RIN2: variants seen among roughly 807,000 people sequenced by gnomAD.
RIN2 encodes RAB5 interacting protein 2.
A neutral mutation model predicts 78.0 loss-of-function variants in RIN2; 36 were observed. The observed-to-expected ratio is 0.46, with a 90% confidence interval of 0.35 to 0.61. The LOEUF (loss-of-function observed/expected upper bound fraction) is 0.61, where lower values mean the gene tolerates loss of function less well. RIN2 is among the 20% of genes least tolerant of loss of function. The pLI is 0.00. For synonymous variants in RIN2, 466 were observed against 466.8 expected (o/e 1.00, Z 0.02); for missense variants, 1,087 against 1,159.7 (o/e 0.94, Z 0.91).
chr20:19,934,381 A>T (rs1231626006), intron 3 of RIN2: 1 of 640,834 alleles, frequency 1.6e-6, no homozygotes, highest in East Asian at 1.4e-4. Context: ...TGAATGAGTG[A>T]ATAGGAGGGT....
At chr20:19,831,251 C>T (rs756382932) in intron 2 of RIN2, among the ~76,000 whole-genome samples, 7 of 152,134 alleles carry the variant, frequency 4.6e-5, no homozygotes, top group South Asian at 2.1e-4. Context: ...CGTCTAAAAA[C>T]GTAACATAAA....
intron 2 of RIN2, among the ~76,000 whole-genome samples, chr20:19,841,063 C>T (rs192462904): frequency 3.3e-5 from 5 of 152,124 alleles, no homozygotes; most frequent in Non-Finnish European, 7.4e-5. Flanking sequence ...CGTTAACTAC[C>T]CGGCAAGGAC....
chr20:19,811,683 A>G (rs186577227), intron 2 of RIN2, among the ~76,000 whole-genome samples: 1 of 152,300 alleles, frequency 6.6e-6, no homozygotes, highest in Admixed American at 6.5e-5. Context: ...CTTTTCGTTC[A>G]TGGCTATTTG....
intron 1 of RIN2, among the ~76,000 whole-genome samples, chr20:19,776,601 G>A (rs905317365): frequency 1.3e-5 from 2 of 151,874 alleles, no homozygotes; most frequent in African/African-American, 2.4e-5. Context: ...GCATGGTGGC[G>A]GCTGCCTGTA....
chr20:19,839,799 G>A (rs1305401880), intron 2 of RIN2, among the ~76,000 whole-genome samples: 2 of 151,984 alleles, frequency 1.3e-5, no homozygotes, highest in East Asian at 1.9e-4. Flanking sequence ...AAAACACTTG[G>A]CTTCAAATCC....
At chr20:19,770,971 G>T in intron 1 of RIN2, among the ~76,000 whole-genome samples, 1 of 151,100 alleles carries the variant, frequency 6.6e-6, no homozygotes, top group South Asian at 2.1e-4. Flanking sequence ...CCCCTTCTTC[G>T]AGTTCAACTA....
chr20:19,775,446 CT>C (rs2034277728), intron 1 of RIN2, among the ~76,000 whole-genome samples: 1 of 152,196 alleles, frequency 6.6e-6, no homozygotes, highest in South Asian at 2.1e-4. Flanking sequence ...GGATTTCTGA[CT>C]GGTGGAGGTA....
chr20:19,936,904 T>A (rs2040667759), intron 4 of RIN2, among the ~76,000 whole-genome samples: 2 of 152,184 alleles, frequency 1.3e-5, no homozygotes, highest in Admixed American at 6.5e-5. Context: ...AAAAGCAAGA[T>A]GAGTTGTCTT....
At position 19,877,624 on chromosome 20, in the gene RIN2, C is replaced by T. The variant is rs60042445; in HGVS notation, c.-36-11942C>T. Among the ~76,000 whole-genome samples the T allele has an allele frequency of 4.9e-3, 752 of 152,284 alleles. 10 individuals are homozygous for T. The highest frequency in any genetic ancestry group is 0.029 in the East Asian group (152 of 5,178). ...AATAGGGCTGTTGAACCTAAGCCCA[C>T]CTGCTTTCTGCAAGTGCCACAAGGA... On this transcript the variant is annotated intron_variant, in intron 2 of 12. Transcript: ENST00000255006.
chr20:19,976,728 C>T (rs192206245), intron 9 of RIN2, among the ~76,000 whole-genome samples: 17 of 152,216 alleles, frequency 1.1e-4, no homozygotes, highest in Non-Finnish European at 1.9e-4. Flanking sequence ...TTGGAGCTAC[C>T]AAACATTTCC....
At chr20:19,773,849 A>G (rs2034219414) in intron 1 of RIN2, among the ~76,000 whole-genome samples, 1 of 151,680 alleles carries the variant, frequency 6.6e-6, no homozygotes, top group African/African-American at 2.4e-5. Context: ...TTAAAATCAC[A>G]TCATGGATTG....
intron 4 of RIN2, among the ~76,000 whole-genome samples, chr20:19,956,257 C>CAAAAAAAAAAAAAAAAAAAAAAAAA (rs11483774): frequency 2.0e-5 from 1 of 50,728 alleles, no homozygotes; most frequent in African/African-American, 7.7e-5. Flanking sequence ...GACTCCATCT[C>CAAAAAAAAAAAAAAAAAAAAAAAAA]AAAAAAAAAA....
chr20:19,903,987 A>G (rs1226796938), intron 3 of RIN2, among the ~76,000 whole-genome samples: 1 of 152,118 alleles, frequency 6.6e-6, no homozygotes, highest in Non-Finnish European at 1.5e-5. Context: ...GCCATGGCTC[A>G]TGCCTGTAAT....
chr20:19,865,207 G>A (rs759385635), intron 2 of RIN2, among the ~76,000 whole-genome samples: 9 of 152,150 alleles, frequency 5.9e-5, no homozygotes, highest in African/African-American at 1.4e-4. Context: ...GATGCTCACC[G>A]TCACCATTGT....
intron 2 of RIN2, among the ~76,000 whole-genome samples, chr20:19,865,213 A>G (rs1475462847): frequency 6.6e-6 from 1 of 152,178 alleles, no homozygotes; most frequent in Non-Finnish European, 1.5e-5. Flanking sequence ...CACCGTCACC[A>G]TTGTGAGATG....
rs375993259 is a variant in RIN2 at position 19,999,276 on chromosome 20, C to T, written c.2365-1337C>T. ...AACAGGGATTATGTAGACCCTGTCT[C>T]TTAAAAAAAAAGGTTCAAAGAGTGT... On this transcript the variant is annotated intron_variant, in intron 12 of 12. Transcript: ENST00000255006. 3.3e-5 allele frequency among the ~76,000 whole-genome samples: 5 copies of T among 151,914 alleles called. No homozygotes were observed. The East Asian group carries it at 9.7e-4, about 29-fold the overall frequency.
At chr20:19,885,136 G>C (rs2038140080) in intron 2 of RIN2, among the ~76,000 whole-genome samples, 1 of 152,212 alleles carries the variant, frequency 6.6e-6, no homozygotes, top group Non-Finnish European at 1.5e-5. Flanking sequence ...TATTAAGTCA[G>C]AACTGTGAGT....
chr20:19,843,183 T>C (rs2036634801), intron 2 of RIN2, among the ~76,000 whole-genome samples: 1 of 152,238 alleles, frequency 6.6e-6, no homozygotes, highest in Admixed American at 6.5e-5. Context: ...GAAGATACTG[T>C]GAACAGTGTT....
chr20:19,879,037 A>G (rs1320414806), intron 2 of RIN2, among the ~76,000 whole-genome samples: 1 of 152,180 alleles, frequency 6.6e-6, no homozygotes, highest in Admixed American at 6.5e-5. Flanking sequence ...GCTTCAGAGA[A>G]CCTGCAGAGC....
Sources: allele counts gnomAD v4.1 joint callset (sites outside exome capture counted in the v4.1 genomes callset), GRCh38; gene constraint gnomAD v4.1.1; transcripts MANE v1.5; gene names NCBI Gene and HGNC (gene_info 2026-07-23, HGNC 2026-07-21).